The following FETUB variants were observed in gnomAD, a reference collection of about 807,000 sequenced individuals.
FETUB encodes fetuin-B.
FETUB carries 28 observed loss-of-function variants against 30.9 expected under a neutral mutation model. That is an observed-to-expected ratio of 0.90 (90% CI 0.67 to 1.24). The LOEUF (loss-of-function observed/expected upper bound fraction) is 1.24. Among genes scored for constraint, FETUB ranks in the 50% most tolerant of loss-of-function variants. The probability of loss-of-function intolerance (pLI) is 0.00; values close to 1 mark genes in which losing one functional copy is unlikely to be tolerated. For missense variants in FETUB, 469 were observed against 455.3 expected (o/e 1.03, Z -0.27); for synonymous variants, 186 against 175.9 (o/e 1.06, Z -0.45).
upstream of FETUB, among the ~76,000 whole-genome samples, chr3:186,639,559 C>A (rs1716886303): frequency 6.6e-6 from 1 of 150,688 alleles, no homozygotes; most frequent in Non-Finnish European, 1.5e-5. Flanking sequence ...CAAACTACTG[C>A]TGATATGTGT....
In FETUB at chr3:186,640,683, C is replaced by A. The variant is rs182506996; in HGVS notation, c.223C>A (p.Arg75=). 1 of 1,612,224 alleles carries A rather than the reference C, an allele frequency of 6.2e-7. No homozygotes were observed. The highest frequency in any genetic ancestry group is 2.2e-5 in the East Asian group (1 of 44,864). ...AGTGAACGACGCCCAGGAATACAGA[C>A]GGGCAAGTAGGGACAGTTCCCACTC... ...NRVNDAQEYR[R]GGLGSLFYLT... Residue 75 remains arginine, a splice_region_variant and synonymous_variant, in exon 1 of 7, where the codon CGG becomes AGG. Coordinates refer to ENST00000265029, the MANE Select transcript of FETUB (RefSeq NM_014375.3).
intron 4 of FETUB, among the ~76,000 whole-genome samples, chr3:186,645,968 G>A (rs1046938558): frequency 1.5e-4 from 22 of 150,474 alleles, no homozygotes; most frequent in African/African-American, 4.2e-4. Context: ...CTCGTGATCC[G>A]CCCGCCTCGG....
At chr3:186,648,378 C>T (rs890549802) in intron 5 of FETUB, among the ~76,000 whole-genome samples, 4 of 152,212 alleles carry the variant, frequency 2.6e-5, no homozygotes, top group Admixed American at 2.6e-4. Flanking sequence ...ATAACACTGT[C>T]TTGAATACTA....
At chr3:186,643,298 T>C (rs976604537) in intron 3 of FETUB, among the ~76,000 whole-genome samples, 3 of 152,244 alleles carry the variant, frequency 2.0e-5, no homozygotes, top group Non-Finnish European at 2.9e-5. Flanking sequence ...TGAAACTTAA[T>C]GACACTTGAA....
At chr3:186,642,598 T>C (rs763346371) in intron 3 of FETUB, 40 bp downstream of exon 3, 1 of 1,204,936 alleles carries the variant, frequency 8.3e-7, no homozygotes, top group South Asian at 1.2e-5. Flanking sequence ...TAATAAAGGA[T>C]GGAAAAGAGT....
intron 3 of FETUB, 69 bp from the exon 4 acceptor site, chr3:186,644,682 C>T: frequency 1.6e-6 from 2 of 1,276,570 alleles, no homozygotes; most frequent in Non-Finnish European, 2.2e-6. Flanking sequence ...CCCATCCTTG[C>T]CTCTTTACAG....
chr3:186,639,140 G>A (rs1430724659), upstream of FETUB, among the ~76,000 whole-genome samples: 1 of 152,202 alleles, frequency 6.6e-6, no homozygotes, highest in Non-Finnish European at 1.5e-5. Context: ...AGATCGAGGG[G>A]CTATACCTGC....
At chr3:186,645,215 C>T (rs749099343) in intron 4 of FETUB, among the ~76,000 whole-genome samples, 4 of 152,184 alleles carry the variant, frequency 2.6e-5, no homozygotes, top group Admixed American at 6.5e-5. Context: ...TCACCACTCA[C>T]TGCTGTATTC....
chr3:186,644,396 T>C (rs1194781340), intron 3 of FETUB, among the ~76,000 whole-genome samples: 3 of 152,224 alleles, frequency 2.0e-5, no homozygotes, highest in Non-Finnish European at 2.9e-5. Flanking sequence ...GTAAATAAGA[T>C]ATTGCGGTAA....
At chr3:186,648,655 G>A (rs1341128114) in intron 5 of FETUB, among the ~76,000 whole-genome samples, 2 of 152,100 alleles carry the variant, frequency 1.3e-5, no homozygotes, top group Non-Finnish European at 2.9e-5. Context: ...CATTTGTTTA[G>A]AACTCATTTA....
At chr3:186,645,877 C>T (rs968455045) in intron 4 of FETUB, among the ~76,000 whole-genome samples, 9 of 152,026 alleles carry the variant, frequency 5.9e-5, no homozygotes, top group Non-Finnish European at 7.4e-5. Context: ...CAGGCATGCG[C>T]CACCATGCCC....
At chr3:186,642,230 G>GT in intron 2 of FETUB, 1 of 453,580 alleles carries the variant, frequency 2.2e-6, no homozygotes, top group Non-Finnish European at 3.9e-6. Context: ...CCTTCCTGTG[G>GT]TTAGAACTCA....
rs1389469906 is a variant in FETUB, at chr3:186,652,269, G to T, written c.787G>T (p.Ala263Ser). Residue 263 changes from alanine to serine, a missense_variant, in exon 7 of 7, where the codon GCC becomes TCC. Coordinates refer to ENST00000265029, the MANE Select transcript of FETUB (RefSeq NM_014375.3). ...TCDFFESQAP[A>S]TGSENSAVNQ... ...AAAAATGTTCTCATTCCAGGCTCCA[G>T]CCACTGGAAGTGAAAACTCTGCTGT... 8 of 1,542,850 alleles carry T rather than the reference G, an allele frequency of 5.2e-6. No homozygotes were observed. The highest frequency in any genetic ancestry group is 7.0e-6 in the Non-Finnish European group (8 of 1,150,932).
chr3:186,647,775 C>G lies in FETUB; in HGVS notation c.696+1426C>G, dbSNP rs1434266169. Reference sequence around the variant, plus strand: ...TATATATTTTTAAGTATTTTTCTGTCATTCTCTGGGTTGTCTATTCACTTT... The same window carrying G: ...TATATATTTTTAAGTATTTTTCTGTGATTCTCTGGGTTGTCTATTCACTTT... On this transcript the variant is annotated intron_variant, in intron 5 of 6. Transcript: ENST00000265029. Among the ~76,000 whole-genome samples, 6 of 152,150 alleles carry G rather than the reference C, an allele frequency of 3.9e-5. No individual in the cohort carries two copies. In the South Asian group the frequency reaches 1.2e-3, roughly 32 times the overall value.
upstream of FETUB, among the ~76,000 whole-genome samples, chr3:186,640,043 C>A (rs558147239): frequency 6.6e-6 from 1 of 152,130 alleles, no homozygotes; most frequent in Non-Finnish European, 1.5e-5. Flanking sequence ...CCAAGCACCA[C>A]TGGGACATAA....
At position 186,652,294 on chromosome 3, in the gene FETUB, T is replaced by TTAACCA; in HGVS notation, c.813_818dup (p.Asn272_Gln273insHisAsn). 6.4e-7 allele frequency: 1 copy of TTAACCA among 1,563,518 alleles called. No homozygotes were observed. Among genetic ancestry groups the TTAACCA allele is most frequent in the Non-Finnish European group, 8.6e-7 (1 of 1,161,474 alleles). On this transcript the variant is annotated inframe_insertion, in exon 7 of 7. Coordinates refer to ENST00000265029, the MANE Select transcript of FETUB (RefSeq NM_014375.3). Reference sequence around the variant, plus strand: ...GCCACTGGAAGTGAAAACTCTGCTGTTAACCAGAAACCTACAAACCTTCCC... The same window carrying TTAACCA: ...GCCACTGGAAGTGAAAACTCTGCTGTTAACCATAACCAGAAACCTACAAACCTTCCC...
chr3:186,650,405 A>G lies in FETUB; in HGVS notation c.697-813A>G, dbSNP rs559413506. On this transcript the variant is annotated intron_variant, in intron 5 of 6. Coordinates refer to ENST00000265029, the MANE Select transcript of FETUB (RefSeq NM_014375.3). ...ATTCTAAGGAAGTAACTAGGAATAC[A>G]TGAAAAGATATAGCTTCAATGTTTA... Among the ~76,000 whole-genome samples, 89 of 152,306 alleles carry G rather than the reference A, an allele frequency of 5.8e-4. 2 individuals are homozygous for G. Among genetic ancestry groups the G allele is most frequent in the Middle Eastern group, 6.8e-3 (2 of 294 alleles).
chr3:186,651,098 T>C, intron 5 of FETUB, 120 bp from the exon 6 acceptor site: 1 of 682,962 alleles, frequency 1.5e-6, no homozygotes, highest in Non-Finnish European at 2.7e-6. Flanking sequence ...AGAGTCTACC[T>C]GTTACATAGT....
In FETUB at chr3:186,644,736, T is replaced by G. The variant is rs895228605; in HGVS notation, c.425-15T>G. 1.9e-6 allele frequency: 3 copies of G among 1,583,804 alleles called. No homozygotes were observed. The highest frequency in any genetic ancestry group is 2.6e-6 in the Non-Finnish European group (3 of 1,168,482). On this transcript the variant is annotated splice_polypyrimidine_tract_variant and intron_variant, in intron 3 of 6. Coordinates refer to ENST00000265029, the MANE Select transcript of FETUB (RefSeq NM_014375.3). The stretch of plus-strand genomic sequence containing the variant: ...ATTAATAGCATTTAAAAACTTATGT[T>G]ATTGGCATCAACAGTTTCAAAAAAA...
Sources: gnomAD v4.1 joint callset for allele counts (sites outside exome capture counted in the v4.1 genomes callset) on GRCh38, gnomAD v4.1.1 for gene constraint, MANE v1.5 for transcripts, NCBI Gene and HGNC (gene_info 2026-07-23, HGNC 2026-07-21) for gene names.